Variants in GPR21 observed in about 807,000 individuals in gnomAD.
GPR21 encodes G protein-coupled receptor 21.
Under a neutral mutation model 21.5 loss-of-function variants are expected in GPR21, and 9 were observed. That is an observed-to-expected ratio of 0.42 (90% CI 0.25 to 0.73). The LOEUF (loss-of-function observed/expected upper bound fraction) is 0.73. Ranked by LOEUF, GPR21 falls within the 30% of genes least tolerant of loss-of-function variation. The probability of loss-of-function intolerance (pLI) is 0.27; values close to 1 mark genes in which losing one functional copy is unlikely to be tolerated. For missense variants in GPR21, 416 were observed against 428.9 expected (o/e 0.97, Z 0.27); for synonymous variants, 169 against 159.3 (o/e 1.06, Z -0.46).
downstream of GPR21, among the ~76,000 whole-genome samples, chr9:123,039,836 A>G (rs993356311): frequency 1.3e-5 from 2 of 152,096 alleles, no homozygotes; most frequent in Admixed American, 6.6e-5. Flanking sequence ...GAAACTTCCT[A>G]TGTGGTTTTG....
In GPR21 at chr9:123,035,077, C is replaced by A; in HGVS notation, c.511C>A (p.Pro171Thr). The part of the protein sequence containing the change: ...FLPSFFHWGK[P>T]GYHGDVFQWC... ...GCCTTCCTTTTTCCACTGGGGCAAACCTGGATATCATGGAGATGTGTTTCA... is the reference window on the plus strand; with the variant it reads ...GCCTTCCTTTTTCCACTGGGGCAAAACTGGATATCATGGAGATGTGTTTCA... The change falls in exon 2 of 2, where the codon CCT (proline) becomes ACT (threonine). Residue 171 changes from proline (P) to threonine (T), a missense_variant. Transcript: ENST00000616002. The A allele has an allele frequency of 6.2e-7, 1 of 1,614,122 alleles. No homozygotes were observed.
At chr9:123,044,128 C>T in the GPR21 span, among the ~76,000 whole-genome samples, 1 of 152,018 alleles carries the variant, frequency 6.6e-6, no homozygotes, top group Non-Finnish European at 1.5e-5. Flanking sequence ...TGGTCTCGAT[C>T]TTCTGACCTC....
At chr9:123,038,565 A>G (rs1307724526), downstream of GPR21, among the ~76,000 whole-genome samples, 1 of 152,078 alleles carries the variant, frequency 6.6e-6, no homozygotes, top group Admixed American at 6.5e-5. Context: ...TTTGTTTCAT[A>G]GTTGTTGGTG....
At chr9:123,034,096 G>C (rs1298744351) in intron 1 of GPR21, 75 bp from the exon 2 acceptor site, 1 of 166,494 alleles carries the variant, frequency 6.0e-6, no homozygotes, top group African/African-American at 2.4e-5. Flanking sequence ...GATGATGCCA[G>C]CCTGAGCTAG....
the GPR21 span, among the ~76,000 whole-genome samples, chr9:123,048,853 A>G: frequency 2.6e-5 from 4 of 152,248 alleles, no homozygotes; most frequent in South Asian, 2.1e-4. Flanking sequence ...ATAGCAAACC[A>G]GGAAAAGGTT....
At chr9:123,045,361 C>T in the GPR21 span, among the ~76,000 whole-genome samples, 2 of 152,182 alleles carry the variant, frequency 1.3e-5, no homozygotes, top group Admixed American at 6.5e-5. Context: ...TTTATTGCCT[C>T]TGGGGAACTG....
chr9:123,035,884 C>G (rs1200093961), downstream of GPR21, among the ~76,000 whole-genome samples: 1 of 152,102 alleles, frequency 6.6e-6, no homozygotes, highest in Non-Finnish European at 1.5e-5. Context: ...TTGGAAATGA[C>G]TACAGTTCTC....
downstream of GPR21, among the ~76,000 whole-genome samples, chr9:123,038,111 GT>G (rs1195832998): frequency 2.0e-4 from 31 of 152,008 alleles, no homozygotes; most frequent in Non-Finnish European, 4.3e-4. Context: ...AGTGAAAGTG[GT>G]TTTTTCCCCC....
chr9:123,044,447 G>A, the GPR21 span, among the ~76,000 whole-genome samples: 5 of 152,172 alleles, frequency 3.3e-5, no homozygotes, highest in East Asian at 9.6e-4. Flanking sequence ...TTATGGGAAT[G>A]GAGTTTTGGG....
At chr9:123,040,634 A>G (rs143033468), downstream of GPR21, among the ~76,000 whole-genome samples, 4 of 152,180 alleles carry the variant, frequency 2.6e-5, no homozygotes, top group Non-Finnish European at 4.4e-5. Flanking sequence ...CCCCAGCCCT[A>G]TCTTTTATCA....
chr9:123,034,487 C>A lies in GPR21; in HGVS notation c.-80C>A. On this transcript the variant is annotated 5_prime_UTR_variant, in exon 2 of 2. Transcript: ENST00000616002. ...TATTACACACATGCAAAGCTGACCG[C>A]AATGACAGCAGCTGCTTCTTTGAAC... 2.3e-6 allele frequency: 2 copies of A among 853,204 alleles called. No individual in the cohort carries two copies. The highest frequency in any genetic ancestry group is 3.7e-6 in the Non-Finnish European group (2 of 535,206). 52.9% of individuals were successfully genotyped at this position (853,204 alleles called of 1,614,324 possible). A position where few individuals can be genotyped will look rare whatever the true frequency, so the allele number is the denominator to read the frequency against.
At chr9:123,042,026 G>C in the GPR21 span, among the ~76,000 whole-genome samples, 2 of 152,146 alleles carry the variant, frequency 1.3e-5, no homozygotes, top group Non-Finnish European at 2.9e-5. Flanking sequence ...TTACTCTTTG[G>C]AAAAGCTGAA....
At chr9:123,041,852 T>C in the GPR21 span, among the ~76,000 whole-genome samples, 3 of 152,186 alleles carry the variant, frequency 2.0e-5, no homozygotes, top group East Asian at 5.8e-4. Flanking sequence ...CAAGAATTGA[T>C]AGAAGCTGAA....
the GPR21 span, among the ~76,000 whole-genome samples, chr9:123,043,985 C>T: frequency 3.3e-5 from 5 of 150,662 alleles, no homozygotes; most frequent in Non-Finnish European, 7.4e-5. Context: ...ACTGCAAGCT[C>T]CGCCTCCCGG....
At chr9:123,047,919 G>GT in the GPR21 span, among the ~76,000 whole-genome samples, 1,902 of 62,270 alleles carry the variant, frequency 0.031, 769 homozygotes, top group Non-Finnish European at 0.056. Flanking sequence ...CAGCTGCTGG[G>GT]TTTTTTTTTT....
the GPR21 span, among the ~76,000 whole-genome samples, chr9:123,045,429 C>T: frequency 3.9e-5 from 6 of 152,182 alleles, no homozygotes; most frequent in East Asian, 1.9e-4. Flanking sequence ...GGTATGTATT[C>T]GTAGGAATCT....
At chr9:123,040,568 T>C (rs1029851741), downstream of GPR21, among the ~76,000 whole-genome samples, 2 of 152,188 alleles carry the variant, frequency 1.3e-5, no homozygotes, top group Admixed American at 6.5e-5. Context: ...TCTTTGCAAG[T>C]CTTAGTAGTC....
At chr9:123,039,024 T>C (rs1330420618), downstream of GPR21, among the ~76,000 whole-genome samples, 1 of 152,172 alleles carries the variant, frequency 6.6e-6, no homozygotes, top group Admixed American at 6.5e-5. Context: ...GTTTGGGGCT[T>C]GCGTTAGATA....
downstream of GPR21, among the ~76,000 whole-genome samples, chr9:123,039,705 G>A (rs1221354467): frequency 1.3e-5 from 2 of 152,192 alleles, no homozygotes; most frequent in African/African-American, 4.8e-5. Flanking sequence ...CAAATTGCCA[G>A]TTTTTCACAG....
Sources: allele counts gnomAD v4.1 joint callset (sites outside exome capture counted in the v4.1 genomes callset), GRCh38; gene constraint gnomAD v4.1.1; transcripts MANE v1.5; gene names NCBI Gene and HGNC (gene_info 2026-07-23, HGNC 2026-07-21).